Variants in PPARD observed in about 807,000 individuals in gnomAD.
The protein encoded by PPARD is peroxisome proliferator-activated receptor delta.
In PPARD, 6 loss-of-function variants were observed where a neutral mutation model predicts 39.5. The ratio of observed to expected loss-of-function variants is 0.15; its 90% CI spans 0.08 to 0.30. PPARD has a LOEUF of 0.30. PPARD is among the 10% of genes least tolerant of loss of function. PPARD has a pLI of 1.00. For missense variants in PPARD, 397 were observed against 596.8 expected (o/e 0.67, Z 3.49); for synonymous variants, 210 against 231.3 (o/e 0.91, Z 0.83).
intron 2 of PPARD, among the ~76,000 whole-genome samples, chr6:35,382,521 A>G (rs942351097): frequency 6.6e-6 from 1 of 152,236 alleles, no homozygotes; most frequent in Non-Finnish European, 1.5e-5. Context: ...TTAGACATTG[A>G]TATTCCTTCT....
At chr6:35,348,697 G>A (rs1761034196) in intron 2 of PPARD, 1 of 985,218 alleles carries the variant, frequency 1.0e-6, no homozygotes, top group Non-Finnish European at 1.2e-6. Context: ...TGTCTGTGGG[G>A]GTCAGGTTGT....
In PPARD at chr6:35,366,553, T is replaced by C. The variant is rs1478491610; in HGVS notation, c.-102+19403T>C. ...GAAATTCCTGGCCTGTAGTACTAAA[T>C]ACTTTTTTTTTTTTTTAAGACAATC... On this transcript the variant is annotated intron_variant, in intron 2 of 7. Coordinates refer to ENST00000360694, the MANE Select transcript of PPARD (RefSeq NM_006238.5). The surrounding 1 kb of genome is among the most constrained non-coding windows in gnomAD (Gnocchi z 4.6). Among the ~76,000 whole-genome samples the C allele has an allele frequency of 7.0e-6, 1 of 142,604 alleles. No individual in the cohort carries two copies. The highest frequency in any genetic ancestry group is 1.5e-5 in the Non-Finnish European group (1 of 67,692). The allele number at this position is 142,604 out of a possible 152,430, so 93.6% of individuals were successfully genotyped here.
At chr6:35,422,932 A>G (rs900221637) in intron 5 of PPARD, among the ~76,000 whole-genome samples, 2 of 151,876 alleles carry the variant, frequency 1.3e-5, no homozygotes, top group Non-Finnish European at 2.9e-5. Context: ...TAAAAAAGAA[A>G]AGTGGCCAGG....
At chr6:35,360,728 A>G (rs1761883882) in intron 2 of PPARD, among the ~76,000 whole-genome samples, 1 of 152,228 alleles carries the variant, frequency 6.6e-6, no homozygotes, top group African/African-American at 2.4e-5. Flanking sequence ...AGGACTCACT[A>G]TACCCAAACC....
intron 2 of PPARD, among the ~76,000 whole-genome samples, chr6:35,398,909 T>C (rs1581626653): frequency 6.9e-6 from 1 of 145,644 alleles, no homozygotes; most frequent in Admixed American, 6.9e-5. Flanking sequence ...AGGTTATGAG[T>C]TCAAGATCAG....
At chr6:35,346,205 G>T (rs990538605) in intron 1 of PPARD, among the ~76,000 whole-genome samples, 2 of 152,194 alleles carry the variant, frequency 1.3e-5, no homozygotes, top group African/African-American at 4.8e-5. Flanking sequence ...AAGGGCTTCA[G>T]CTATATCCTG....
intron 2 of PPARD, among the ~76,000 whole-genome samples, chr6:35,398,479 G>A (rs1392476257): frequency 6.6e-6 from 1 of 152,190 alleles, no homozygotes; most frequent in African/African-American, 2.4e-5. Flanking sequence ...GCTGCCATTG[G>A]ACATCCGTGT....
At chr6:35,351,395 G>C (rs767068420) in intron 2 of PPARD, among the ~76,000 whole-genome samples, 16 of 152,228 alleles carry the variant, frequency 1.1e-4, no homozygotes, top group Middle Eastern at 3.4e-3. Flanking sequence ...ATAATAGGCC[G>C]GGCGGGTGAC....
intron 2 of PPARD, among the ~76,000 whole-genome samples, chr6:35,385,660 A>G (rs9470010): frequency 1.3e-5 from 2 of 149,968 alleles, no homozygotes; most frequent in African/African-American, 2.5e-5. Flanking sequence ...AAAAAAAAAA[A>G]AAAAAAACAA....
intron 2 of PPARD, among the ~76,000 whole-genome samples, chr6:35,347,581 G>A (rs572374633): frequency 4.1e-5 from 6 of 148,108 alleles, no homozygotes; most frequent in African/African-American, 1.6e-4. Flanking sequence ...TTATTAGGGG[G>A]CAAATATATA....
chr6:35,413,122 C>A (rs1007073673), intron 3 of PPARD, among the ~76,000 whole-genome samples: 1 of 152,254 alleles, frequency 6.6e-6, no homozygotes, highest in African/African-American at 2.4e-5. Context: ...GGAGTTTCCT[C>A]CACACCCCTT....
chr6:35,382,060 T>A (rs980377863), intron 2 of PPARD, among the ~76,000 whole-genome samples: 10 of 152,224 alleles, frequency 6.6e-5, no homozygotes, highest in Admixed American at 2.6e-4. Flanking sequence ...TCTCTCCTTT[T>A]TGTCATTGTC....
In PPARD at chr6:35,347,027, C is replaced by G. The variant is rs201651406; in HGVS notation, c.-185-40C>G. The G allele has an allele frequency of 1.1e-4, 147 of 1,339,162 alleles. 1 individual carries two copies. The highest frequency in any genetic ancestry group is 5.4e-4 in the Middle Eastern group (3 of 5,538). 83.0% of individuals were successfully genotyped at this position (1,339,162 alleles called of 1,614,324 possible). A position where few individuals can be genotyped will look rare whatever the true frequency, so the allele number is the denominator to read the frequency against. On this transcript the variant is annotated intron_variant, in intron 1 of 7. Coordinates refer to ENST00000360694, the MANE Select transcript of PPARD (RefSeq NM_006238.5). ...AGAGTTGCTTTGAGGGCCCCTGGCA[C>G]CTGTCAGCTAAAGCTGTTGGGGTTT...
chr6:35,348,877 A>G (rs1191257582), intron 2 of PPARD: 1 of 985,278 alleles, frequency 1.0e-6, no homozygotes, highest in Non-Finnish European at 1.2e-6. Context: ...GGGGAGAGCT[A>G]CTGAGTTGAA....
At chr6:35,368,028 C>A (rs947367998) in intron 2 of PPARD, among the ~76,000 whole-genome samples, 1 of 152,242 alleles carries the variant, frequency 6.6e-6, no homozygotes, top group Admixed American at 6.5e-5. Context: ...GACTCACAGT[C>A]TGTCATGCCA....
chr6:35,397,375 A>C, intron 2 of PPARD: 3 of 225,394 alleles, frequency 1.3e-5, no homozygotes, highest in Non-Finnish European at 2.2e-5. Flanking sequence ...ACCAACCCCA[A>C]CGTCACTTGG....
chr6:35,377,869 A>ATATTTTTTTTTTTTTTTTTTTTTTTTTTT (rs1478712456), intron 2 of PPARD, among the ~76,000 whole-genome samples: 1 of 103,088 alleles, frequency 9.7e-6, no homozygotes, highest in Non-Finnish European at 1.7e-5. Context: ...TTGTTTACGT[A>ATATTTTTTTTTTTTTTTTTTTTTTTTTTT]TCTTTTTTTT....
At chr6:35,396,484 G>A (rs1157453031) in intron 2 of PPARD, among the ~76,000 whole-genome samples, 4 of 148,028 alleles carry the variant, frequency 2.7e-5, no homozygotes, top group Admixed American at 6.7e-5. Context: ...GATTACAGGC[G>A]TGAGCCACCG....
At chr6:35,373,263 A>G (rs1762599062) in intron 2 of PPARD, among the ~76,000 whole-genome samples, 1 of 152,238 alleles carries the variant, frequency 6.6e-6, no homozygotes, top group African/African-American at 2.4e-5. Context: ...CATTCAAACC[A>G]TAGCAATGTC....
Sources: gnomAD v4.1 joint callset for allele counts (sites outside exome capture counted in the v4.1 genomes callset) on GRCh38, gnomAD v4.1.1 for gene constraint, Gnocchi (gnomAD v3.1) non-coding constraint, MANE v1.5 for transcripts, NCBI Gene and HGNC (gene_info 2026-07-23, HGNC 2026-07-21) for gene names.